Variants in L3MBTL3 observed in about 807,000 individuals in gnomAD.
The protein encoded by L3MBTL3 is L3MBTL histone methyl-lysine binding protein 3.
Under a neutral mutation model 102.3 loss-of-function variants are expected in L3MBTL3, and 27 were observed. The observed-to-expected ratio is 0.26, with a 90% CI of 0.19 to 0.36. The LOEUF (loss-of-function observed/expected upper bound fraction) is 0.36. Among genes scored for constraint, L3MBTL3 ranks in the 10% least tolerant of loss-of-function variants. The probability of loss-of-function intolerance (pLI) is 1.00; values close to 1 mark genes in which losing one functional copy is unlikely to be tolerated. For missense variants in L3MBTL3, 798 were observed against 955.3 expected (o/e 0.84, Z 2.17); for synonymous variants, 340 against 320.9 (o/e 1.06, Z -0.64).
intron 15 of L3MBTL3, among the ~76,000 whole-genome samples, chr6:130,084,927 T>C (rs1783587148): frequency 6.6e-6 from 1 of 152,094 alleles, no homozygotes; most frequent in Admixed American, 6.6e-5. Context: ...CCTCACAGGC[T>C]TAAGTGATCC....
At chr6:130,094,858 TA>T (rs1470408216) in intron 18 of L3MBTL3, among the ~76,000 whole-genome samples, 6 of 152,174 alleles carry the variant, frequency 3.9e-5, no homozygotes. Flanking sequence ...CTCTTACCCC[TA>T]AGTAACTTTA....
chr6:130,096,857 A>G (rs1212436154), intron 18 of L3MBTL3, among the ~76,000 whole-genome samples: 1 of 152,220 alleles, frequency 6.6e-6, no homozygotes, highest in Non-Finnish European at 1.5e-5. Context: ...AGAATTACTC[A>G]TTTTCTTGGA....
intron 19 of L3MBTL3, among the ~76,000 whole-genome samples, chr6:130,110,410 G>C (rs1029301892): frequency 6.6e-6 from 1 of 152,058 alleles, no homozygotes; most frequent in African/African-American, 2.4e-5. Context: ...GGTCCTTCAC[G>C]TCCCTTCTAA....
chr6:130,035,027 C>T (rs894986173), intron 2 of L3MBTL3, among the ~76,000 whole-genome samples: 6 of 152,094 alleles, frequency 3.9e-5, no homozygotes, highest in African/African-American at 1.4e-4. Context: ...GATTTTCCTT[C>T]GTGACGTCTA....
intron 2 of L3MBTL3, among the ~76,000 whole-genome samples, chr6:130,038,943 A>C (rs1437603501): frequency 6.6e-6 from 1 of 152,150 alleles, no homozygotes; most frequent in African/African-American, 2.4e-5. Context: ...ACAGAAGAAA[A>C]AATATTGAAG....
chr6:130,135,263 C>T (rs1426831906), intron 22 of L3MBTL3, among the ~76,000 whole-genome samples: 1 of 151,712 alleles, frequency 6.6e-6, no homozygotes, highest in African/African-American at 2.4e-5. Flanking sequence ...TTGGTTTCAC[C>T]GTGTTGGCCA....
chr6:130,124,566 A>C (rs559501553), intron 20 of L3MBTL3, among the ~76,000 whole-genome samples: 74 of 152,162 alleles, frequency 4.9e-4, no homozygotes, highest in Non-Finnish European at 9.0e-4. Flanking sequence ...AAATCCAGAA[A>C]GCTTCCTTAA....
At chr6:130,052,553 T>G (rs1781173208) in intron 6 of L3MBTL3, among the ~76,000 whole-genome samples, 2 of 152,256 alleles carry the variant, frequency 1.3e-5, no homozygotes, top group Admixed American at 6.5e-5. Flanking sequence ...TTTATTAGTA[T>G]AGATGGTAGA....
intron 10 of L3MBTL3, 36 bp from the exon 11 acceptor site, chr6:130,066,317 T>A: frequency 8.1e-7 from 1 of 1,237,766 alleles, no homozygotes; most frequent in African/African-American, 1.5e-5. Flanking sequence ...TATTCTGAGT[T>A]AAAAAAAATA....
chr6:130,047,920 C>T (rs1780828211), intron 3 of L3MBTL3, among the ~76,000 whole-genome samples: 1 of 152,146 alleles, frequency 6.6e-6, no homozygotes, highest in South Asian at 2.1e-4. Flanking sequence ...TTGGTATACA[C>T]ACTTGGTATA....
intron 10 of L3MBTL3, among the ~76,000 whole-genome samples, chr6:130,060,844 C>T (rs185255012): frequency 6.3e-4 from 96 of 152,020 alleles, no homozygotes; most frequent in African/African-American, 2.2e-3. Context: ...TGCTCCCTCC[C>T]TTGAGCCAGA....
intron 7 of L3MBTL3, chr6:130,054,956 T>A: frequency 2.0e-6 from 1 of 489,660 alleles, no homozygotes; most frequent in Non-Finnish European, 3.7e-6. Context: ...TCCATGCCCT[T>A]CCAACCGGTA....
chr6:130,133,879 G>T lies in L3MBTL3; in HGVS notation c.2173G>T (p.Glu725Ter). 1 of 1,613,172 alleles carries T rather than the reference G, an allele frequency of 6.2e-7. No homozygotes were observed. Among genetic ancestry groups the T allele is most frequent in the South Asian group, 1.1e-5 (1 of 91,030 alleles). ...EFIQSLPGCE[E>*]HGKVFKDEQI... ...TATACAGAGCTTACCTGGGTGTGAA[G>T]AACATGGAAAGGTATTTAAAGATGA... Residue 725 changes from glutamate (E) to a stop codon, truncating the protein, a stop_gained, in exon 22 of 23, where the codon GAA becomes TAA. Transcript: ENST00000361794. LOFTEE classifies it high-confidence loss of function. This position sits in a 1 kb window ranked among gnomAD's most constrained non-coding sequence, Gnocchi z 4.9.
At chr6:130,101,668 C>T (rs941146507) in intron 18 of L3MBTL3, among the ~76,000 whole-genome samples, 4 of 152,216 alleles carry the variant, frequency 2.6e-5, no homozygotes, top group African/African-American at 7.2e-5. Flanking sequence ...GCCCAGCAGC[C>T]TCCTCCTGTG....
At chr6:130,065,675 G>A (rs188923793) in intron 10 of L3MBTL3, among the ~76,000 whole-genome samples, 64 of 152,206 alleles carry the variant, frequency 4.2e-4, no homozygotes, top group Admixed American at 7.2e-4. Context: ...AAGTCTCAGG[G>A]GCTGAACCCT....
At chr6:130,101,001 A>G (rs1028017171) in intron 18 of L3MBTL3, among the ~76,000 whole-genome samples, 2 of 152,232 alleles carry the variant, frequency 1.3e-5, no homozygotes, top group African/African-American at 4.8e-5. Context: ...ATAACAATGA[A>G]TGAAATGCTG....
intron 19 of L3MBTL3, among the ~76,000 whole-genome samples, chr6:130,119,704 G>A (rs988760262): frequency 3.3e-5 from 5 of 152,098 alleles, no homozygotes; most frequent in African/African-American, 9.7e-5. Flanking sequence ...GAACTAAGCC[G>A]GGGAGTTCAG....
At chr6:130,121,175 G>T (rs986975689) in intron 20 of L3MBTL3, among the ~76,000 whole-genome samples, 2 of 152,116 alleles carry the variant, frequency 1.3e-5, no homozygotes, top group Non-Finnish European at 2.9e-5. Flanking sequence ...CATCACCCAC[G>T]AATTAAGCCC....
intron 2 of L3MBTL3, among the ~76,000 whole-genome samples, chr6:130,032,285 T>A (rs1015033024): frequency 6.6e-6 from 1 of 152,184 alleles, no homozygotes; most frequent in Non-Finnish European, 1.5e-5. Context: ...ATAAAATGAA[T>A]TTTTTAAAAA....
Sources: allele counts gnomAD v4.1 joint callset (sites outside exome capture counted in the v4.1 genomes callset), GRCh38; gene constraint gnomAD v4.1.1; non-coding constraint Gnocchi (gnomAD v3.1); transcripts MANE v1.5; gene names NCBI Gene and HGNC (gene_info 2026-07-23, HGNC 2026-07-21).